Variants in F5 observed in about 807,000 individuals in gnomAD.
F5 encodes the protein activated protein c cofactor.
F5 carries 138 observed loss-of-function variants against 216.4 expected under a neutral mutation model. The ratio of observed to expected loss-of-function variants is 0.64; its 90% CI spans 0.56 to 0.73. The LOEUF is 0.73. Ranked by LOEUF, F5 falls within the 30% of genes least tolerant of loss-of-function variation. F5 has a pLI of 0.00. For missense variants in F5, 2,403 were observed against 2,674.0 expected, an observed-to-expected ratio of 0.90 and a Z score of 2.24; for synonymous variants, 916 against 930.7, an observed-to-expected ratio of 0.98 and a Z score of 0.29.
chr1:169,544,475 G>A lies in F5; in HGVS notation c.1796C>T (p.Thr599Ile). Residue 599 changes from threonine to isoleucine, a missense_variant, in exon 12 of 25, where the codon ACT (threonine) becomes ATT (isoleucine). This residue lies in a region of F5 where 1,425 missense variants were observed against 1,554.8 expected (regional missense o/e 0.92). Transcript: ENST00000367797. ...AGTGTCATCAAAGCAGAATCCAAGAGTAGTTATGCTCTCAGGCACATAGCC... is the reference window on the plus strand; with the variant it reads ...AGTGTCATCAAAGCAGAATCCAAGAATAGTTATGCTCTCAGGCACATAGCC... ...INGYVPESIT[T>I]LGFCFDDTVQ... 6.2e-7 allele frequency: 1 copy of A among 1,614,066 alleles called. No individual in the cohort carries two copies. The highest frequency in any genetic ancestry group is 8.5e-7 in the Non-Finnish European group (1 of 1,179,994).
chr1:169,579,160 C>A (rs1660932907), intron 2 of F5, among the ~76,000 whole-genome samples: 1 of 151,924 alleles, frequency 6.6e-6, no homozygotes, highest in Non-Finnish European at 1.5e-5. Context: ...TCCTCAACAC[C>A]CTGCCATCTG....
intron 14 of F5, among the ~76,000 whole-genome samples, chr1:169,533,890 T>C (rs1659644212): frequency 6.6e-6 from 1 of 152,136 alleles, no homozygotes; most frequent in Non-Finnish European, 1.5e-5. Context: ...CCCCTCATAT[T>C]GTCTTATGCC....
At chr1:169,576,715 A>C (rs1660858690) in intron 2 of F5, among the ~76,000 whole-genome samples, 1 of 152,076 alleles carries the variant, frequency 6.6e-6, no homozygotes, top group African/African-American at 2.4e-5. Flanking sequence ...TCCTGATGGA[A>C]GTTTCCACTG....
intron 21 of F5, 31 bp downstream of exon 21, chr1:169,523,166 T>C (rs1033791332): frequency 2.5e-6 from 4 of 1,612,760 alleles, no homozygotes; most frequent in Admixed American, 3.3e-5. Context: ...GTCTAGAGTC[T>C]AGAGATTCAG....
rs994754730 is a variant in F5 at position 169,555,401 on chromosome 1, A to T, written c.953-54T>A. 3 of 1,534,640 alleles carry T rather than the reference A, an allele frequency of 2.0e-6. No homozygotes were observed. In the African/African-American group the frequency reaches 4.1e-5, roughly 21 times the overall value. ...AACTCAAGAGAAGAAATTATGGTTG[A>T]TTGAAATGCATATCCTTTAAATCAA... On this transcript the variant is annotated intron_variant, in intron 6 of 24. Coordinates refer to ENST00000367797, the MANE Select transcript of F5 (RefSeq NM_000130.5).
rs777107479 is a variant in F5 at position 169,541,125 on chromosome 1, G to T, written c.3965C>A (p.Ser1322Tyr). 6.4e-7 allele frequency: 1 copy of T among 1,556,938 alleles called. No individual in the cohort carries two copies. Among genetic ancestry groups the T allele is most frequent in the South Asian group, 1.2e-5 (1 of 81,742 alleles). The change falls in exon 13 of 25, where the codon TCT becomes TAT. Residue 1322 changes from serine (S) to tyrosine (Y), a missense_variant. Ser to Tyr is a moderately radical substitution (Grantham distance 144). Coordinates refer to ENST00000367797, the MANE Select transcript of F5 (RefSeq NM_000130.5). ...AAGGGTTGTATGGCTGAGGTCTGGA[G>T]AAATGGGCATCTGACCGAGGGCTGG... The part of the protein sequence containing the change: ...LSPALGQMPI[S>Y]PDLSHTTLSL...
Position 169,544,302 on chromosome 1 carries a change from T to C in F5, c.1969A>G (p.Asn657Asp), listed in dbSNP as rs1219877218. 1 of 1,613,734 alleles carries C rather than the reference T, an allele frequency of 6.2e-7. No homozygotes were observed. The change falls in exon 12 of 25, where the codon AAT becomes GAT. Residue 657 changes from asparagine (N) to aspartate (D), a missense_variant. By Grantham distance (23) the Asn-to-Asp change is conservative (BLOSUM62 1). Coordinates refer to ENST00000367797, the MANE Select transcript of F5 (RefSeq NM_000130.5). ...TGTCCAGACTCTTACTCACCAACAT[T>C]ATCCATTGTGACCGTCACAGATTCT... ...RGESVTVTMDNVGTWMLTSMN... is the reference protein window; with the variant it reads ...RGESVTVTMDDVGTWMLTSMN...
chr1:169,556,797 G>T lies in F5; in HGVS notation c.801C>A (p.Phe267Leu), dbSNP rs201002212. The T allele has an allele frequency of 6.2e-6, 10 of 1,614,104 alleles. No homozygotes were observed. In the East Asian group the frequency reaches 1.6e-4, roughly 25 times the overall value. ...LLGMSSGPEL[F>L]SIHFNGQVLE... is the part of the protein sequence containing the mutation. The stretch of plus-strand genomic sequence containing the variant: ...GGACCTGGCCGTTGAAATGAATGGA[G>T]AATAATTCTGGCCCCGAGCTCATTC... Residue 267 changes from phenylalanine (F) to leucine (L), a missense_variant, in exon 6 of 25, where the codon TTC becomes TTA. Physicochemically the swap from Phe to Leu is conservative, Grantham distance 22. Around this residue, in one of 4 missense-constraint regions of F5, gnomAD observed 1,425 missense variants for 1,554.8 expected, o/e 0.92. Coordinates refer to ENST00000367797, the MANE Select transcript of F5 (RefSeq NM_000130.5).
chr1:169,560,663 T>G lies in F5; in HGVS notation c.477A>C (p.Gly159=). 9 of 1,613,774 alleles carry G rather than the reference T, an allele frequency of 5.6e-6. No homozygotes were observed. Among genetic ancestry groups the G allele is most frequent in the Non-Finnish European group, 3.4e-6 (4 of 1,179,806 alleles). The part of the protein sequence containing the change: ...TYEWSISEDS[G]PTHDDPPCLT... ...GGCATGGAGGGTCATCATGGGTGGG[T>G]CCACTGTCCTCACTGATACTCCATT... Residue 159 remains glycine (G), a synonymous_variant, in exon 4 of 25, where the codon GGA becomes GGC. Transcript: ENST00000367797.
chr1:169,519,546 C>A (rs1659234976), intron 22 of F5, among the ~76,000 whole-genome samples: 1 of 152,144 alleles, frequency 6.6e-6, no homozygotes, highest in South Asian at 2.1e-4. Flanking sequence ...TGGCAAAATA[C>A]CCATATCCAT....
chr1:169,574,715 G>T (rs1660804322), intron 2 of F5, among the ~76,000 whole-genome samples: 2 of 152,186 alleles, frequency 1.3e-5, no homozygotes, highest in South Asian at 4.1e-4. Context: ...CTGAGCCTCA[G>T]AGAGTTTAAA....
At chr1:169,577,563 AT>A (rs1660885018) in intron 2 of F5, among the ~76,000 whole-genome samples, 1 of 14,142 alleles carries the variant, frequency 7.1e-5, no homozygotes, top group African/African-American at 4.7e-4. Flanking sequence ...TAATTTAAAT[AT>A]ATATATATAT....
intron 16 of F5, among the ~76,000 whole-genome samples, chr1:169,528,914 C>T (rs1659524913): frequency 6.6e-6 from 1 of 152,144 alleles, no homozygotes; most frequent in South Asian, 2.1e-4. Flanking sequence ...GGGTTGAGAT[C>T]ATTTGGGCAT....
intron 2 of F5, among the ~76,000 whole-genome samples, chr1:169,578,222 C>T (rs549622282): frequency 3.7e-4 from 57 of 152,268 alleles, no homozygotes; most frequent in African/African-American, 1.2e-3. Context: ...TTAAAATGGA[C>T]GTCGAAACAC....
chr1:169,550,891 A>T (rs1440944535), intron 8 of F5, 152 bp from the exon 9 acceptor site: 2 of 651,074 alleles, frequency 3.1e-6, no homozygotes, highest in East Asian at 5.5e-5. Flanking sequence ...CTGAGCAGTA[A>T]CCTCCCCTCA....
At position 169,556,663 on chromosome 1, in the gene F5, G is replaced by T; in HGVS notation, c.935C>A (p.Thr312Asn). 3.7e-6 allele frequency: 6 copies of T among 1,614,046 alleles called. No individual in the cohort carries two copies. Among genetic ancestry groups the T allele is most frequent in the Non-Finnish European group, 5.1e-6 (6 of 1,179,980 alleles). ...TTTCTTGCCTTGCAAATGTTTTGGG[G>T]TGAGAGAAGATATGATCCACTTTCC... The part of the protein sequence containing the change: ...PEGKWIISSL[T>N]PKHLQAGMQA... The change falls in exon 6 of 25, where the codon ACC becomes AAC. Residue 312 changes from threonine (T) to asparagine (N), a missense_variant. Thr to Asn is a moderately conservative substitution (Grantham distance 65, BLOSUM62 0). Coordinates refer to ENST00000367797, the MANE Select transcript of F5 (RefSeq NM_000130.5).
chr1:169,534,570 A>G (rs554544138), intron 14 of F5, among the ~76,000 whole-genome samples: 1 of 151,952 alleles, frequency 6.6e-6, no homozygotes, highest in Non-Finnish European at 1.5e-5. Context: ...CGGGAGGCTG[A>G]GGCAGGAGAA....
intron 6 of F5, among the ~76,000 whole-genome samples, chr1:169,556,380 T>C (rs1660325029): frequency 7.6e-6 from 1 of 132,002 alleles, no homozygotes; most frequent in Non-Finnish European, 1.5e-5. Flanking sequence ...TCTTCCTCTT[T>C]TCTTCTTTCG....
At chr1:169,531,627 A>C (rs1659597856) in intron 14 of F5, among the ~76,000 whole-genome samples, 1 of 152,118 alleles carries the variant, frequency 6.6e-6, no homozygotes, top group Non-Finnish European at 1.5e-5. Flanking sequence ...GGGAATAGCA[A>C]GGATCTCGGT....
Sources: gnomAD v4.1 joint callset for allele counts (sites outside exome capture counted in the v4.1 genomes callset) on GRCh38, gnomAD v4.1.1 for gene constraint, gnomAD v4.1.1 regional missense constraint, MANE v1.5 for transcripts, NCBI Gene and HGNC (gene_info 2026-07-23, HGNC 2026-07-21) for gene names.